Variants in MRTFB observed in about 807,000 individuals in gnomAD.
The protein encoded by MRTFB is myocardin-related transcription factor B.
In MRTFB, 29 loss-of-function variants were observed where a neutral mutation model predicts 104.2. That is an observed-to-expected ratio of 0.28 (90% CI 0.21 to 0.38). The LOEUF is 0.38. Ranked by LOEUF, MRTFB falls within the 10% of genes least tolerant of loss-of-function variation. MRTFB has a pLI of 1.00. For synonymous variants in MRTFB, 535 were observed against 519.5 expected (o/e 1.03, Z -0.41); for missense variants, 1,270 against 1,341.6 (o/e 0.95, Z 0.83).
intron 3 of MRTFB, among the ~76,000 whole-genome samples, chr16:14,185,891 T>C (rs1395537388): frequency 6.6e-6 from 1 of 152,172 alleles, no homozygotes; most frequent in South Asian, 2.1e-4. Context: ...ATCTAGAGAT[T>C]TCCTTCCAGC....
intron 6 of MRTFB, among the ~76,000 whole-genome samples, chr16:14,216,408 A>G (rs2041429255): frequency 1.3e-5 from 2 of 152,184 alleles, no homozygotes; most frequent in African/African-American, 4.8e-5. Flanking sequence ...AAACATTAAC[A>G]AGAGTTACCA....
At chr16:14,226,608 A>C (rs1289498377) in intron 8 of MRTFB, among the ~76,000 whole-genome samples, 3 of 152,210 alleles carry the variant, frequency 2.0e-5, no homozygotes, top group African/African-American at 7.2e-5. Context: ...AAGCTTCATT[A>C]CACTGGATTG....
chr16:14,093,636 C>T (rs2035206312), intron 2 of MRTFB, among the ~76,000 whole-genome samples: 1 of 152,104 alleles, frequency 6.6e-6, no homozygotes, highest in Non-Finnish European at 1.5e-5. Flanking sequence ...AATGCTTGTT[C>T]TTTCAGATAA....
chr16:14,070,365 AATT>A (rs550497417), upstream of MRTFB, among the ~76,000 whole-genome samples: 184 of 152,286 alleles, frequency 1.2e-3, 1 homozygote, highest in Middle Eastern at 6.8e-3. Flanking sequence ...CTTTACAAAC[AATT>A]ATTATTTCAT....
intron 3 of MRTFB, among the ~76,000 whole-genome samples, chr16:14,202,565 C>A (rs937050617): frequency 3.3e-5 from 5 of 152,002 alleles, no homozygotes; most frequent in Non-Finnish European, 5.9e-5. Flanking sequence ...CTTTGTGGAA[C>A]TAAAATTTTT....
intron 1 of MRTFB, among the ~76,000 whole-genome samples, chr16:14,075,949 TAA>T (rs1461718825): frequency 2.0e-5 from 3 of 152,314 alleles, no homozygotes; most frequent in South Asian, 2.1e-4. Context: ...TAAAATGACA[TAA>T]GACATATTTT....
At chr16:14,078,154 C>A (rs886181555) in intron 1 of MRTFB, among the ~76,000 whole-genome samples, 2 of 152,092 alleles carry the variant, frequency 1.3e-5, no homozygotes, top group Non-Finnish European at 2.9e-5. Flanking sequence ...CAGTCAAAAA[C>A]AGTATCTGTC....
intron 15 of MRTFB, among the ~76,000 whole-genome samples, chr16:14,257,111 A>T (rs969983592): frequency 6.6e-6 from 1 of 152,238 alleles, no homozygotes. Context: ...GAGAATGGAG[A>T]ACAACTAGAA....
intron 14 of MRTFB, 41 bp from the exon 15 acceptor site, chr16:14,252,324 T>C (rs2043288993): frequency 1.3e-6 from 2 of 1,594,514 alleles, no homozygotes; most frequent in Non-Finnish European, 1.7e-6. Flanking sequence ...GAGAGGTTTA[T>C]TGCCAAGAGG....
rs149559382 is a variant in MRTFB, at chr16:14,225,140, C to T, written c.693+6142C>T. 9.7e-3 allele frequency among the ~76,000 whole-genome samples: 1,479 copies of T among 152,226 alleles called. 29 individuals carry two copies. Among genetic ancestry groups the T allele is most frequent in the African/African-American group, 0.034 (1,411 of 41,542 alleles). On this transcript the variant is annotated intron_variant, in intron 8 of 16. Transcript: ENST00000571589. Reference sequence around the variant, plus strand: ...GGTGGAGGTTGTGGTGAGCCATGATCGCGCCATTGCACTCCAGCCTGGGCA... The same window carrying T: ...GGTGGAGGTTGTGGTGAGCCATGATTGCGCCATTGCACTCCAGCCTGGGCA...
chr16:14,052,151 G>T, the MRTFB span, among the ~76,000 whole-genome samples: 2 of 152,070 alleles, frequency 1.3e-5, no homozygotes, highest in African/African-American at 2.4e-5. Context: ...GCATGGGGGG[G>T]TGCTGATGTT....
intron 3 of MRTFB, among the ~76,000 whole-genome samples, chr16:14,160,744 A>T (rs2038999682): frequency 6.6e-6 from 1 of 151,896 alleles, no homozygotes; most frequent in Non-Finnish European, 1.5e-5. Flanking sequence ...CAGATATTTT[A>T]TTTTTTTAAT....
At chr16:14,204,406 A>G (rs901129034) in intron 3 of MRTFB, among the ~76,000 whole-genome samples, 3 of 152,252 alleles carry the variant, frequency 2.0e-5, no homozygotes, top group Non-Finnish European at 4.4e-5. Flanking sequence ...GACAAATTCT[A>G]AAAGAGCTGT....
chr16:14,183,257 C>A (rs1043465476), intron 3 of MRTFB, among the ~76,000 whole-genome samples: 1 of 152,084 alleles, frequency 6.6e-6, no homozygotes, highest in Non-Finnish European at 1.5e-5. Context: ...AAGGACAGAA[C>A]AGACAGACTC....
chr16:14,131,705 A>G lies in MRTFB; in HGVS notation c.-63-8839A>G, dbSNP rs553380402. On this transcript the variant is annotated intron_variant, in intron 2 of 16. Coordinates refer to ENST00000571589, the MANE Select transcript of MRTFB (RefSeq NM_001308142.2). ...AAAACATGAAAAGAAATTCAACATC[A>G]TTAGTCATTAGGGAAATGCAAATCA... is the stretch of plus-strand genomic sequence containing the variant. 1.8e-4 allele frequency among the ~76,000 whole-genome samples: 28 copies of G among 152,286 alleles called. No homozygotes were observed. In the South Asian group the frequency reaches 2.3e-3, roughly 12 times the overall value.
chr16:14,011,839 T>A, the MRTFB span, among the ~76,000 whole-genome samples: 3 of 152,188 alleles, frequency 2.0e-5, no homozygotes, highest in Non-Finnish European at 2.9e-5. Flanking sequence ...GCCACTGGAC[T>A]CCAGCCTAAG....
At chr16:14,217,915 C>CT (rs974314173) in intron 7 of MRTFB, among the ~76,000 whole-genome samples, 11 of 152,156 alleles carry the variant, frequency 7.2e-5, no homozygotes, top group Non-Finnish European at 1.3e-4. Context: ...TGATGTTTCT[C>CT]TTTTTGTTTC....
intron 3 of MRTFB, among the ~76,000 whole-genome samples, chr16:14,203,004 T>C (rs2040775128): frequency 6.6e-6 from 1 of 152,190 alleles, no homozygotes; most frequent in African/African-American, 2.4e-5. Context: ...CTGACATCTG[T>C]TTGAAAAATA....
chr16:13,996,825 A>G, the MRTFB span, among the ~76,000 whole-genome samples: 1 of 152,140 alleles, frequency 6.6e-6, no homozygotes, highest in Non-Finnish European at 1.5e-5. Context: ...GGGACAACCG[A>G]CGGCTCTCTG....
Sources: gnomAD v4.1 joint callset for allele counts (sites outside exome capture counted in the v4.1 genomes callset) on GRCh38, gnomAD v4.1.1 for gene constraint, MANE v1.5 for transcripts, NCBI Gene and HGNC (gene_info 2026-07-23, HGNC 2026-07-21) for gene names.